Variants in MEX3D observed in about 807,000 individuals in gnomAD.
MEX3D encodes RNA-binding protein MEX3D.
Under a neutral mutation model 6.3 loss-of-function variants are expected in MEX3D, and 4 were observed. The observed-to-expected ratio is 0.64, with a 90% CI of 0.31 to 1.46. The LOEUF (loss-of-function observed/expected upper bound fraction) is 1.46. Among genes scored for constraint, MEX3D ranks in the 40% most tolerant of loss-of-function variants. MEX3D has a pLI of 0.07. For synonymous variants in MEX3D, 626 were observed against 494.1 expected, an observed-to-expected ratio of 1.27 and a Z score of -3.54; for missense variants, 1,038 against 994.4, an observed-to-expected ratio of 1.04 and a Z score of -0.59.
chr19:1,556,308 G>A lies in MEX3D; in HGVS notation c.1211C>T (p.Ala404Val). The A allele has an allele frequency of 1.5e-6, 2 of 1,310,174 alleles. No homozygotes were observed. Among genetic ancestry groups the A allele is most frequent in the Non-Finnish European group, 1.9e-6 (2 of 1,033,832 alleles). The allele number at this position is 1,310,174 out of a possible 1,614,324, so 81.2% of individuals were successfully genotyped here. Residue 404 changes from alanine (A) to valine (V), a missense_variant, in exon 2 of 2, where the codon GCC becomes GTC. By Grantham distance (64) the Ala-to-Val change is moderately conservative. This residue lies in a region of MEX3D where 581 missense variants were observed against 516.2 expected (regional missense o/e 1.13). Coordinates refer to ENST00000402693, the MANE Select transcript of MEX3D (RefSeq NM_203304.4). This position sits in a 1 kb window ranked among gnomAD's most constrained non-coding sequence, Gnocchi z 7.5. ...TALGAPSAPE[A>V]FYAGSRGGPS... ...GCCGCCGCGGCTGCCCGCGTAGAAG[G>A]CCTCGGGGGCGCTGGGGGCGCCCAG... is the stretch of plus-strand genomic sequence containing the variant.
At position 1,555,794 on chromosome 19, in the gene MEX3D, G is replaced by C. The variant is rs533787784; in HGVS notation, c.1725C>G (p.Pro575=). 7.1e-6 allele frequency: 10 copies of C among 1,406,544 alleles called. No homozygotes were observed. Among genetic ancestry groups the C allele is most frequent in the Admixed American group, 6.7e-5 (2 of 29,832 alleles). The allele number at this position is 1,406,544 out of a possible 1,614,324, so 87.1% of individuals were successfully genotyped here. A position where few individuals can be genotyped will look rare whatever the true frequency, so the allele number is the denominator to read the frequency against. ...PSSPAAAACA[P]LDSGASENSR... The stretch of plus-strand genomic sequence containing the variant: ...TGTTCTCGGAGGCGCCGGAGTCCAG[G>C]GGGGCGCAGGCGGCGGCCGCGGGGC... Residue 575 remains proline, a synonymous_variant, in exon 2 of 2, where the codon CCC becomes CCG. Coordinates refer to ENST00000402693, the MANE Select transcript of MEX3D (RefSeq NM_203304.4).
chr19:1,561,183 G>A (rs781283064), intron 1 of MEX3D, among the ~76,000 whole-genome samples: 1 of 152,172 alleles, frequency 6.6e-6, no homozygotes, highest in Non-Finnish European at 1.5e-5. Flanking sequence ...CATCCAGCCC[G>A]TCCAGGGTCC....
At chr19:1,559,704 T>TG (rs1205333651) in intron 1 of MEX3D, among the ~76,000 whole-genome samples, 1 of 152,106 alleles carries the variant, frequency 6.6e-6, no homozygotes, top group African/African-American at 2.4e-5. Flanking sequence ...GTGCAAGAGA[T>TG]GAAATGAGCA....
In MEX3D at chr19:1,567,940, T is replaced by G; in HGVS notation, c.119A>C (p.Gln40Pro). Residue 40 changes from glutamine to proline, a missense_variant, in exon 1 of 2, where the codon CAG (glutamine) becomes CCG (proline). This residue lies in a region of MEX3D where 265 missense variants were observed against 206.3 expected (regional missense o/e 1.28). Coordinates refer to ENST00000402693, the MANE Select transcript of MEX3D (RefSeq NM_203304.4). The surrounding 1 kb of genome is among the most constrained non-coding windows in gnomAD (Gnocchi z 6.5). ...CGGCCGGGGCGCGGGCGCGGCCTCC[T>G]GGGCGCCCTCGGGCGGGGGCGCAGG... ...PGPAPPPEGAQEAAPAPRPPP... is the reference protein window; with the variant it reads ...PGPAPPPEGAPEAAPAPRPPP... 1 of 971,994 alleles carries G rather than the reference T, an allele frequency of 1.0e-6. No homozygotes were observed. The allele number at this position is 971,994 out of a possible 1,614,324, so 60.2% of individuals were successfully genotyped here.
rs1914585146 is a variant in MEX3D at position 1,556,852 on chromosome 19, C to T, written c.667G>A (p.Val223Ile). Residue 223 changes from valine (V) to isoleucine (I), a missense_variant, in exon 2 of 2, where the codon GTC (valine) becomes ATC (isoleucine). Val to Ile is a conservative substitution (Grantham distance 29). Transcript: ENST00000402693. The surrounding 1 kb of genome is among the most constrained non-coding windows in gnomAD (Gnocchi z 7.5). Reference protein sequence around the residue: ...IKTPVRGEEPVFIVTGRKEDV... With the variant: ...IKTPVRGEEPIFIVTGRKEDV... ...TCCTTCCGGCCGGTCACGATGAAGACCGGCTCCTCGCCCCGCACTGGGGTC... is the reference window on the plus strand; with the variant it reads ...TCCTTCCGGCCGGTCACGATGAAGATCGGCTCCTCGCCCCGCACTGGGGTC... The T allele has an allele frequency of 1.2e-6, 2 of 1,612,604 alleles. No homozygotes were observed. The highest frequency in any genetic ancestry group is 1.7e-6 in the Non-Finnish European group (2 of 1,179,824).
intron 1 of MEX3D, among the ~76,000 whole-genome samples, 168 bp from the exon 2 acceptor site, chr19:1,557,091 T>A (rs1407842411): frequency 6.6e-6 from 1 of 152,176 alleles, no homozygotes; most frequent in Admixed American, 6.5e-5. Flanking sequence ...TCAGCCTCAG[T>A]TTCCCCTCTG....
chr19:1,561,791 G>A (rs1914724702), intron 1 of MEX3D, among the ~76,000 whole-genome samples: 1 of 151,952 alleles, frequency 6.6e-6, no homozygotes, highest in African/African-American at 2.4e-5. Context: ...CTACAGTTAT[G>A]CACCACCACC....
chr19:1,561,373 G>GTT (rs1169942172), intron 1 of MEX3D, among the ~76,000 whole-genome samples: 1 of 152,208 alleles, frequency 6.6e-6, no homozygotes, highest in African/African-American at 2.4e-5. Context: ...GCGAGAACAA[G>GTT]GCCTCACAGC....
intron 1 of MEX3D, among the ~76,000 whole-genome samples, chr19:1,558,123 T>C (rs1914624351): frequency 6.7e-6 from 1 of 149,026 alleles, no homozygotes; most frequent in Non-Finnish European, 1.5e-5. Context: ...ACTTCGGGAA[T>C]CTGAGGCAGG....
In MEX3D at chr19:1,567,713, C is replaced by T; in HGVS notation, c.346G>A (p.Ala116Thr). ...AGCGACCCGGGGGCCACGGCGGGGGCCAGGGTCGGGGGCGCGCCGGCCTCA... is the reference window on the plus strand; with the variant it reads ...AGCGACCCGGGGGCCACGGCGGGGGTCAGGGTCGGGGGCGCGCCGGCCTCA... ...GPEAGAPPTL[A>T]PAVAPGSLPL... The change falls in exon 1 of 2, where the codon GCC (alanine) becomes ACC (threonine). Residue 116 changes from alanine (A) to threonine (T), a missense_variant. Coordinates refer to ENST00000402693, the MANE Select transcript of MEX3D (RefSeq NM_203304.4). The surrounding 1 kb of genome is among the most constrained non-coding windows in gnomAD (Gnocchi z 6.5). 1.9e-6 allele frequency: 2 copies of T among 1,035,158 alleles called. No homozygotes were observed. Among genetic ancestry groups the T allele is most frequent in the African/African-American group, 3.4e-5 (2 of 58,156 alleles). The allele number at this position is 1,035,158 out of a possible 1,614,324, so 64.1% of individuals were successfully genotyped here.
Position 1,555,473 on chromosome 19 carries a change from C to T in MEX3D, c.*90G>A. ...CTCGGCCTCCGCCCCTCGCCCCCTC[C>T]CCGTCCCTCTCCCACCCCGGGTCCC... On this transcript the variant is annotated 3_prime_UTR_variant, in exon 2 of 2. Transcript: ENST00000402693. The T allele has an allele frequency of 8.0e-6, 12 of 1,500,026 alleles. No individual in the cohort carries two copies. Among genetic ancestry groups the T allele is most frequent in the Admixed American group, 2.0e-5 (1 of 49,056 alleles). 92.9% of individuals were successfully genotyped at this position (1,500,026 alleles called of 1,614,324 possible).
intron 1 of MEX3D, among the ~76,000 whole-genome samples, chr19:1,561,600 G>T (rs905245779): frequency 6.6e-6 from 1 of 152,116 alleles, no homozygotes; most frequent in African/African-American, 2.4e-5. Flanking sequence ...ACTTTGGGAG[G>T]CCAAGGCAGG....
chr19:1,557,029 A>G, intron 1 of MEX3D, 106 bp from the exon 2 acceptor site: 1 of 1,339,822 alleles, frequency 7.5e-7, no homozygotes, highest in African/African-American at 1.5e-5. Flanking sequence ...CCTACCTCCC[A>G]GCCTGTGCCC....
rs1251284845 is a variant in MEX3D, at chr19:1,567,929, G to A, written c.130C>T (p.Pro44Ser). 7.1e-6 allele frequency: 7 copies of A among 979,068 alleles called. No homozygotes were observed. The Admixed American group carries it at 3.8e-4, about 54-fold the overall frequency. 60.6% of individuals were successfully genotyped at this position (979,068 alleles called of 1,614,324 possible). Residue 44 changes from proline to serine, a missense_variant, in exon 1 of 2, where the codon CCC becomes TCC. Transcript: ENST00000402693. The surrounding 1 kb of genome is among the most constrained non-coding windows in gnomAD (Gnocchi z 6.5). ...PPPEGAQEAA[P>S]APRPPPEPDD... Reference sequence around the variant, plus strand: ...GGTTCGGGCGGCGGCCGGGGCGCGGGCGCGGCCTCCTGGGCGCCCTCGGGC... The same window carrying A: ...GGTTCGGGCGGCGGCCGGGGCGCGGACGCGGCCTCCTGGGCGCCCTCGGGC...
At position 1,555,707 on chromosome 19, in the gene MEX3D, G is replaced by C. The variant is rs369491344; in HGVS notation, c.1812C>G (p.Ala604=). Residue 604 remains alanine (A), a synonymous_variant, in exon 2 of 2, where the codon GCC becomes GCG. Coordinates refer to ENST00000402693, the MANE Select transcript of MEX3D (RefSeq NM_203304.4). ...PALARECVVC[A]EGEVMAALVP... ...CCAGCGCAGCCATCACCTCGCCCTC[G>C]GCGCACACCACGCACTCTCGCGCCA... The C allele has an allele frequency of 3.9e-6, 6 of 1,552,428 alleles. No homozygotes were observed. The highest frequency in any genetic ancestry group is 4.3e-6 in the Non-Finnish European group (5 of 1,154,460).
intron 1 of MEX3D, among the ~76,000 whole-genome samples, chr19:1,563,998 A>G (rs1489194876): frequency 2.7e-5 from 4 of 150,846 alleles, no homozygotes; most frequent in Non-Finnish European, 5.9e-5. Context: ...TTGTAGAGAC[A>G]GGGTTTCGCC....
rs1449587468 is a variant in MEX3D, at chr19:1,555,608, G to A, written c.1911C>T (p.Pro637=). The A allele has an allele frequency of 2.5e-6, 4 of 1,591,376 alleles. No individual in the cohort carries two copies. Among genetic ancestry groups the A allele is most frequent in the South Asian group, 1.1e-5 (1 of 87,924 alleles). ...RICGKSEPEC[P]ACRTPATQAI... Reference sequence around the variant, plus strand: ...CCTGGGTGGCCGGCGTGCGGCAGGCGGGACACTCGGGCTCGCTCTTGCCGC... The same window carrying A: ...CCTGGGTGGCCGGCGTGCGGCAGGCAGGACACTCGGGCTCGCTCTTGCCGC... The change falls in exon 2 of 2, where the codon CCC becomes CCT. Residue 637 remains proline, a synonymous_variant. Coordinates refer to ENST00000402693, the MANE Select transcript of MEX3D (RefSeq NM_203304.4).
chr19:1,563,555 C>A (rs1033170662), intron 1 of MEX3D, among the ~76,000 whole-genome samples: 2 of 152,186 alleles, frequency 1.3e-5, no homozygotes, highest in African/African-American at 4.8e-5. Flanking sequence ...CCACGGAGCA[C>A]AGATTCACCC....
At chr19:1,561,593 T>C (rs1427460862) in intron 1 of MEX3D, among the ~76,000 whole-genome samples, 1 of 152,016 alleles carries the variant, frequency 6.6e-6, no homozygotes, top group Non-Finnish European at 1.5e-5. Context: ...TTCCGGCACT[T>C]TGGGAGGCCA....
Sources: allele counts gnomAD v4.1 joint callset (sites outside exome capture counted in the v4.1 genomes callset), GRCh38; gene constraint gnomAD v4.1.1; regional missense constraint gnomAD v4.1.1; non-coding constraint Gnocchi (gnomAD v3.1); transcripts MANE v1.5; gene names NCBI Gene and HGNC (gene_info 2026-07-23, HGNC 2026-07-21).